TAF1D: variants seen among roughly 807,000 people sequenced by gnomAD.
The protein encoded by TAF1D is TATA box-binding protein-associated factor RNA polymerase I subunit D.
A neutral mutation model predicts 26.2 loss-of-function variants in TAF1D; 23 were observed. That is an observed-to-expected ratio of 0.88 (90% CI 0.63 to 1.25). TAF1D has a LOEUF of 1.25. Among genes scored for constraint, TAF1D ranks in the 50% most tolerant of loss-of-function variants. The probability of loss-of-function intolerance (pLI) is 0.00; values close to 1 mark genes in which losing one functional copy is unlikely to be tolerated. For synonymous variants in TAF1D, 100 were observed against 105.6 expected (o/e 0.95, Z 0.33); for missense variants, 299 against 322.0 (o/e 0.93, Z 0.55).
At chr11:93,738,087 T>C in intron 3 of TAF1D, 22 bp downstream of exon 3, 1 of 1,530,290 alleles carries the variant, frequency 6.5e-7, no homozygotes, top group Non-Finnish European at 8.7e-7. Context: ...TGTGTAGCCA[T>C]GTATGTAAAA....
At chr11:93,741,156 C>A (rs1941955358) in intron 1 of TAF1D, among the ~76,000 whole-genome samples, 166 bp downstream of exon 1, 1 of 152,240 alleles carries the variant, frequency 6.6e-6, no homozygotes, top group African/African-American at 2.4e-5. Flanking sequence ...GGACTCATAC[C>A]AGCCGCGTGG....
intron 3 of TAF1D, 117 bp downstream of exon 3, chr11:93,737,992 G>GT: frequency 1.7e-6 from 2 of 1,201,682 alleles, no homozygotes; most frequent in Non-Finnish European, 2.3e-6. Flanking sequence ...GTATAGAAGA[G>GT]TATCAAAATT....
rs1235850517 is a variant in TAF1D, at chr11:93,737,128, A to C, written c.571T>G (p.Phe191Val). Residue 191 changes from phenylalanine to valine, a missense_variant, in exon 4 of 6, where the codon TTT becomes GTT. Coordinates refer to ENST00000448108, the MANE Select transcript of TAF1D (RefSeq NM_024116.4). Reference sequence around the variant, plus strand: ...AAAAATTTGTATCTACGACTGTCAAAATCTTCATTTTCTAAATCTTCACCA... The same window carrying C: ...AAAAATTTGTATCTACGACTGTCAACATCTTCATTTTCTAAATCTTCACCA... ...NVGEDLENED[F>V]DSRRYKFLDD... The C allele has an allele frequency of 6.2e-7, 1 of 1,612,356 alleles. No homozygotes were observed.
At chr11:93,734,571 T>C, downstream of TAF1D, 2 of 483,674 alleles carry the variant, frequency 4.1e-6, no homozygotes, top group South Asian at 1.5e-5. Context: ...TCTGACAACA[T>C]ACTGTTTCCT....
At chr11:93,733,128 A>C (rs2135448467), downstream of TAF1D, 1 of 452,750 alleles carries the variant, frequency 2.2e-6, no homozygotes, top group Non-Finnish European at 4.4e-6. Flanking sequence ...ATTCCTATAG[A>C]AAGTACCAAT....
intron 5 of TAF1D, 94 bp from the exon 6 acceptor site, chr11:93,736,398 C>A (rs1940757240): frequency 6.9e-7 from 1 of 1,454,132 alleles, no homozygotes; most frequent in African/African-American, 1.4e-5. Context: ...CTTCAGATAA[C>A]CTAGAGACTA....
chr11:93,731,357 A>G (rs937104500), downstream of TAF1D: 7 of 355,672 alleles, frequency 2.0e-5, no homozygotes, highest in African/African-American at 1.1e-4. Context: ...TGCTTAAAAT[A>G]GCTATTTAAA....
chr11:93,734,491 C>CT (rs1159599478), downstream of TAF1D: 1 of 380,502 alleles, frequency 2.6e-6, no homozygotes, highest in Non-Finnish European at 5.2e-6. Context: ...TAGGATTCTT[C>CT]TTTTCAGAAA....
downstream of TAF1D, chr11:93,731,097 C>T (rs1591207124): frequency 2.0e-6 from 1 of 512,560 alleles, no homozygotes; most frequent in East Asian, 5.5e-5. Flanking sequence ...TTGGTAATGA[C>T]CATTACACCC....
chr11:93,737,244 A>G lies in TAF1D; in HGVS notation c.460-5T>C, dbSNP rs1171393926. The G allele has an allele frequency of 6.3e-7, 1 of 1,592,262 alleles. No homozygotes were observed. The highest frequency in any genetic ancestry group is 1.2e-5 in the South Asian group (1 of 86,674). On this transcript the variant is annotated splice_region_variant and splice_polypyrimidine_tract_variant and intron_variant, in intron 3 of 5. Transcript: ENST00000448108. ...AAATCCTCTTGCAACAGCTTGCTAT[A>G]TATTAAAAACACCATAAGTATGTCG...
rs1041911166 is a variant in TAF1D, at chr11:93,738,519, A to G, written c.69-20T>C. 6.5e-6 allele frequency: 10 copies of G among 1,538,068 alleles called. No individual in the cohort carries two copies. The highest frequency in any genetic ancestry group is 8.7e-6 in the Non-Finnish European group (10 of 1,147,916). ...TTATCACTAGAAAAATGGGAAAAAA[A>G]TTAATTTCATCTTCTTTTCTTACTG... On this transcript the variant is annotated intron_variant, in intron 2 of 5. Coordinates refer to ENST00000448108, the MANE Select transcript of TAF1D (RefSeq NM_024116.4).
chr11:93,732,887 T>C (rs1443525395), downstream of TAF1D: 5 of 231,504 alleles, frequency 2.2e-5, no homozygotes, highest in South Asian at 2.7e-4. Context: ...TGAATAATGA[T>C]GCAAAGAACA....
downstream of TAF1D, chr11:93,734,476 G>A: frequency 2.7e-6 from 1 of 364,712 alleles, no homozygotes; most frequent in Non-Finnish European, 5.4e-6. Flanking sequence ...TAAAATGTGT[G>A]AATCTAGGAT....
intron 4 of TAF1D, 104 bp from the exon 5 acceptor site, chr11:93,736,855 G>A (rs1054157932): frequency 2.2e-6 from 3 of 1,334,956 alleles, no homozygotes; most frequent in African/African-American, 1.5e-5. Flanking sequence ...CTAGTCAAAG[G>A]AAACACAAAA....
In TAF1D at chr11:93,736,311, AAAAC is replaced by A. The variant is rs780080617; in HGVS notation, c.694-11_694-8del. On this transcript the variant is annotated splice_polypyrimidine_tract_variant and splice_region_variant and intron_variant, in intron 5 of 5. Transcript: ENST00000448108. ...TTACTATGAAACTATCCCCCTGCAT[AAAAC>A]AAACAAAAAATCATGGATTAAGCAA... The A allele has an allele frequency of 5.7e-5, 91 of 1,591,024 alleles. No homozygotes were observed. Among genetic ancestry groups the A allele is most frequent in the Non-Finnish European group, 7.2e-5 (85 of 1,173,592 alleles).
downstream of TAF1D, chr11:93,734,427 T>A (rs1261807741): frequency 3.0e-6 from 1 of 329,588 alleles, no homozygotes; most frequent in Non-Finnish European, 6.0e-6. Flanking sequence ...TTCAGGACCC[T>A]CTAATGCTTG....
At chr11:93,733,582 C>T (rs771583838), downstream of TAF1D, 6 of 518,342 alleles carry the variant, frequency 1.2e-5, no homozygotes, top group Admixed American at 1.9e-5. Flanking sequence ...AAAGCCCCAT[C>T]GGGATAGACC....
rs1940602889 is a variant in TAF1D at position 93,735,644 on chromosome 11, G to C, written c.*517C>G. The stretch of plus-strand genomic sequence containing the variant: ...GACTGCGGCCATTGCACTACAGCCT[G>C]GGTGACAGATCGAGACTCTGTCTAA... On this transcript the variant is annotated 3_prime_UTR_variant, in exon 6 of 6. Transcript: ENST00000448108. The C allele has an allele frequency of 1.0e-6, 1 of 974,898 alleles. No individual in the cohort carries two copies. The highest frequency in any genetic ancestry group is 1.2e-6 in the Non-Finnish European group (1 of 816,200). 60.4% of individuals were successfully genotyped at this position (974,898 alleles called of 1,614,324 possible).
chr11:93,731,258 G>A (rs1458743890), downstream of TAF1D: 6 of 357,658 alleles, frequency 1.7e-5, no homozygotes, highest in Non-Finnish European at 2.7e-5. Flanking sequence ...TTACTATTAA[G>A]TACATAAATC....
Sources: allele counts gnomAD v4.1 joint callset (sites outside exome capture counted in the v4.1 genomes callset), GRCh38; gene constraint gnomAD v4.1.1; transcripts MANE v1.5; gene names NCBI Gene and HGNC (gene_info 2026-07-23, HGNC 2026-07-21).